Variants in DLGAP2 observed in about 807,000 individuals in gnomAD.
DLGAP2 encodes DLG associated protein 2.
DLGAP2 carries 26 observed loss-of-function variants against 100.3 expected under a neutral mutation model. The observed-to-expected ratio is 0.26, with a 90% CI of 0.19 to 0.36. DLGAP2 has a LOEUF of 0.36. Among genes scored for constraint, DLGAP2 ranks in the 10% least tolerant of loss-of-function variants. The probability of loss-of-function intolerance (pLI) is 1.00; values close to 1 mark genes in which losing one functional copy is unlikely to be tolerated. For missense variants in DLGAP2, 1,858 were observed against 1,453.2 expected (o/e 1.28, Z -4.53); for synonymous variants, 886 against 630.1 (o/e 1.41, Z -6.08).
At chr8:778,670 C>G (rs1054620232) in intron 1 of DLGAP2, among the ~76,000 whole-genome samples, 31 of 152,316 alleles carry the variant, frequency 2.0e-4, no homozygotes, top group African/African-American at 6.5e-4. Context: ...AGGGGTCAGG[C>G]ACCCACTTGA....
At chr8:1,364,623 C>A (rs900210378) in intron 3 of DLGAP2, among the ~76,000 whole-genome samples, 7 of 152,226 alleles carry the variant, frequency 4.6e-5, no homozygotes, top group African/African-American at 1.7e-4. Context: ...TTCAGTGGTT[C>A]TGTCAGTGAC....
intron 1 of DLGAP2, among the ~76,000 whole-genome samples, chr8:844,264 CT>C (rs1797033271): frequency 6.6e-6 from 1 of 152,248 alleles, no homozygotes; most frequent in South Asian, 2.1e-4. Flanking sequence ...CATTGATTTA[CT>C]TTTTTTAAAA....
Position 790,281 on chromosome 8 carries a change from A to T in DLGAP2, c.18+52456A>T, listed in dbSNP as rs184007929. ...CCATGCATTTCAAGGGAAATAATAG[A>T]AGGGTTTGCCTGGGCTGTGCAGGGT... On this transcript the variant is annotated intron_variant, in intron 1 of 14. Transcript: ENST00000637795. 1.1e-3 allele frequency among the ~76,000 whole-genome samples: 164 copies of T among 152,252 alleles called. 1 individual carries two copies. The highest frequency in any genetic ancestry group is 4.6e-3 in the Admixed American group (70 of 15,288).
At chr8:952,619 A>G (rs1313937181) in intron 2 of DLGAP2, among the ~76,000 whole-genome samples, 1 of 152,206 alleles carries the variant, frequency 6.6e-6, no homozygotes, top group African/African-American at 2.4e-5. Context: ...CCTGGGTGAC[A>G]GTGTGATACA....
chr8:1,508,585 A>G, intron 4 of DLGAP2, among the ~76,000 whole-genome samples: 2 of 105,492 alleles, frequency 1.9e-5, no homozygotes, highest in Non-Finnish European at 4.1e-5. Context: ...CCATTCAAAC[A>G]GCAATTGCTG....
chr8:780,662 G>C (rs1251358006), intron 1 of DLGAP2, among the ~76,000 whole-genome samples: 1 of 152,178 alleles, frequency 6.6e-6, no homozygotes, highest in Non-Finnish European at 1.5e-5. Context: ...ATCCGCTCTA[G>C]TCACATGCTG....
At chr8:1,362,360 G>T (rs970407945) in intron 3 of DLGAP2, among the ~76,000 whole-genome samples, 1 of 152,122 alleles carries the variant, frequency 6.6e-6, no homozygotes, top group African/African-American at 2.4e-5. Flanking sequence ...CCTCAGGTAG[G>T]TTGCCCCTTC....
intron 2 of DLGAP2, among the ~76,000 whole-genome samples, chr8:1,109,962 C>G (rs1804893952): frequency 1.2e-5 from 1 of 84,024 alleles, no homozygotes; most frequent in Non-Finnish European, 2.3e-5. Flanking sequence ...CGTGCTGGGT[C>G]TGTGAGGTGT....
chr8:988,638 C>G (rs555289217), intron 2 of DLGAP2, among the ~76,000 whole-genome samples: 2 of 152,150 alleles, frequency 1.3e-5, no homozygotes, highest in Non-Finnish European at 2.9e-5. Context: ...GACCTTCTCT[C>G]CTGGGCTCCT....
chr8:768,822 A>G (rs916802045), intron 1 of DLGAP2, among the ~76,000 whole-genome samples: 1 of 152,176 alleles, frequency 6.6e-6, no homozygotes, highest in Non-Finnish European at 1.5e-5. Context: ...TAAAATTGGC[A>G]TGCTTTAAAA....
At chr8:1,165,880 G>C (rs1797004975) in intron 2 of DLGAP2, among the ~76,000 whole-genome samples, 1 of 151,910 alleles carries the variant, frequency 6.6e-6, no homozygotes, top group Non-Finnish European at 1.5e-5. Flanking sequence ...ATTCAGGGAG[G>C]CTTCATAGAT....
At chr8:1,535,096 C>T (rs928874329) in intron 4 of DLGAP2, among the ~76,000 whole-genome samples, 1 of 152,184 alleles carries the variant, frequency 6.6e-6, no homozygotes, top group African/African-American at 2.4e-5. Context: ...TCCTGTGGAG[C>T]CACGGGAGGA....
At chr8:1,143,873 C>A (rs1796562382) in intron 2 of DLGAP2, among the ~76,000 whole-genome samples, 1 of 152,208 alleles carries the variant, frequency 6.6e-6, no homozygotes, top group South Asian at 2.1e-4. Flanking sequence ...GCAGATGCAG[C>A]TTTCTGTCTC....
At chr8:1,391,072 T>C (rs1390008760) in intron 3 of DLGAP2, among the ~76,000 whole-genome samples, 1 of 152,066 alleles carries the variant, frequency 6.6e-6, no homozygotes, top group Non-Finnish European at 1.5e-5. Flanking sequence ...TGAAAATGAG[T>C]TGGACTAAGT....
At chr8:1,556,350 A>G (rs1801965428) in intron 5 of DLGAP2, among the ~76,000 whole-genome samples, 1 of 146,404 alleles carries the variant, frequency 6.8e-6, no homozygotes, top group Non-Finnish European at 1.5e-5. Flanking sequence ...CCCACCCAGG[A>G]CAGCTGAGGG....
intron 2 of DLGAP2, among the ~76,000 whole-genome samples, chr8:1,251,401 A>G (rs1328965239): frequency 6.6e-6 from 1 of 152,214 alleles, no homozygotes; most frequent in Non-Finnish European, 1.5e-5. Flanking sequence ...GGAGTTTTCC[A>G]TTTGAGCAGA....
chr8:866,586 G>T (rs541234216), intron 1 of DLGAP2, among the ~76,000 whole-genome samples: 2 of 152,254 alleles, frequency 1.3e-5, no homozygotes, highest in South Asian at 2.1e-4. Context: ...GCTGGGGGTC[G>T]TGTCTCTGTG....
chr8:862,460 G>A (rs933199442), intron 1 of DLGAP2, among the ~76,000 whole-genome samples: 7 of 152,022 alleles, frequency 4.6e-5, no homozygotes, highest in African/African-American at 1.7e-4. Flanking sequence ...CCACCACCTC[G>A]CCTGGCTAAT....
chr8:1,253,373 C>T (rs935887673), intron 2 of DLGAP2, among the ~76,000 whole-genome samples: 1 of 152,218 alleles, frequency 6.6e-6, no homozygotes, highest in African/African-American at 2.4e-5. Flanking sequence ...GGGTTGGTGT[C>T]AGGAGGGAGG....
Sources: allele counts gnomAD v4.1 joint callset (sites outside exome capture counted in the v4.1 genomes callset), GRCh38; gene constraint gnomAD v4.1.1; transcripts MANE v1.5; gene names NCBI Gene and HGNC (gene_info 2026-07-23, HGNC 2026-07-21).